Variants in AXDND1 observed in about 807,000 individuals in gnomAD.
AXDND1 encodes axonemal dynein light chain domain-containing protein 1.
In AXDND1, 110 loss-of-function variants were observed where a neutral mutation model predicts 137.5. That is an observed-to-expected ratio of 0.80 (90% CI 0.69 to 0.94). The LOEUF is 0.94. Ranked by LOEUF, AXDND1 falls within the 40% of genes least tolerant of loss-of-function variation. The pLI is 0.00. For synonymous variants in AXDND1, 414 were observed against 399.7 expected (o/e 1.04, Z -0.43); for missense variants, 1,191 against 1,169.8 (o/e 1.02, Z -0.26).
At chr1:179,535,701 T>C (rs951404973) in intron 25 of AXDND1, among the ~76,000 whole-genome samples, 27 of 152,212 alleles carry the variant, frequency 1.8e-4, no homozygotes, top group African/African-American at 5.8e-4. Flanking sequence ...CATGTGTCTT[T>C]ATAGTAGCAT....
At chr1:179,499,426 A>C (rs899796817) in intron 20 of AXDND1, among the ~76,000 whole-genome samples, 1 of 152,138 alleles carries the variant, frequency 6.6e-6, no homozygotes, top group Non-Finnish European at 1.5e-5. Flanking sequence ...AATGCCCAGA[A>C]TAGGCAAATC....
chr1:179,518,183 C>G (rs1669719380), intron 21 of AXDND1, among the ~76,000 whole-genome samples: 1 of 152,134 alleles, frequency 6.6e-6, no homozygotes, highest in Non-Finnish European at 1.5e-5. Context: ...TTTCTGCGAA[C>G]TGGTCCTAGT....
chr1:179,418,405 G>A lies in AXDND1; in HGVS notation c.1230+7139G>A, dbSNP rs1025821646. Among the ~76,000 whole-genome samples, 6 of 152,308 alleles carry A rather than the reference G, an allele frequency of 3.9e-5. No homozygotes were observed. The East Asian group carries it at 5.8e-4, about 15-fold the overall frequency. On this transcript the variant is annotated intron_variant, in intron 12 of 25. Transcript: ENST00000367618. ...TGTCTACTTCTTTCTACACAGACAC[G>A]GCAACCATCCGATTTCTCAATCTTT...
At position 179,491,538 on chromosome 1, in the gene AXDND1, A is replaced by T. The variant is rs1443866068; in HGVS notation, c.2092A>T (p.Met698Leu). 5.7e-6 allele frequency: 9 copies of T among 1,586,416 alleles called. No individual in the cohort carries two copies. Among genetic ancestry groups the T allele is most frequent in the Non-Finnish European group, 6.9e-6 (8 of 1,159,516 alleles). ...TTGTATTATACTCATTTTTTAACAG[A>T]TGGATGAGTTACATATATCTATGAT... ...NNGNIELQHH[M>L]DELHISMIQW... is the part of the protein sequence containing the mutation. The change falls in exon 19 of 26, where the codon ATG (methionine) becomes TTG (leucine). Residue 698 changes from methionine to leucine, a missense_variant and splice_region_variant. Met to Leu is a conservative substitution (Grantham distance 15). Transcript: ENST00000367618.
chr1:179,366,757 C>T, intron 2 of AXDND1, 151 bp downstream of exon 2: 1 of 640,322 alleles, frequency 1.6e-6, no homozygotes, highest in South Asian at 1.9e-5. Flanking sequence ...AGAAGTCATT[C>T]CTTTTACAGT....
intron 4 of AXDND1, among the ~76,000 whole-genome samples, chr1:179,378,313 G>A (rs1229854310): frequency 6.6e-6 from 1 of 152,194 alleles, no homozygotes; most frequent in African/African-American, 2.4e-5. Flanking sequence ...GATGGAATGA[G>A]ACTCCTGAGG....
At chr1:179,389,511 A>T (rs187795353) in intron 9 of AXDND1, among the ~76,000 whole-genome samples, 63 of 152,272 alleles carry the variant, frequency 4.1e-4, no homozygotes, top group African/African-American at 1.5e-3. Context: ...TCTGGGATTC[A>T]TGCAGTAGTC....
At chr1:179,367,371 G>C (rs747338068) in intron 2 of AXDND1, among the ~76,000 whole-genome samples, 1 of 151,814 alleles carries the variant, frequency 6.6e-6, no homozygotes, top group Non-Finnish European at 1.5e-5. Flanking sequence ...AAAATTAGGG[G>C]GGGCGTGGTG....
Position 179,455,279 on chromosome 1 carries a change from AAAAAAAAAAAAAAAGT to A in AXDND1, c.1798+10089_1798+10104del, listed in dbSNP as rs761084996. The A allele has an allele frequency of 1.6e-3, 188 of 115,022 alleles. 3 individuals carry two copies. Among genetic ancestry groups the A allele is most frequent in the East Asian group, 0.013 (54 of 4,038 alleles). The allele number at this position is 115,022 out of a possible 1,614,324, so 7.1% of individuals were successfully genotyped here. A position where few individuals can be genotyped will look rare whatever the true frequency, so the allele number is the denominator to read the frequency against. On this transcript the variant is annotated intron_variant, in intron 16 of 25. Coordinates refer to ENST00000367618, the MANE Select transcript of AXDND1 (RefSeq NM_144696.6). ...GAGAGAGTGAGACTCTGTTTCAAAA[AAAAAAAAAAAAAAAGT>A]AAAAAAAAAAAAAGAGGCTGGGTGC...
At chr1:179,398,412 T>G (rs950736205) in intron 11 of AXDND1, among the ~76,000 whole-genome samples, 1 of 152,006 alleles carries the variant, frequency 6.6e-6, no homozygotes, top group Non-Finnish European at 1.5e-5. Context: ...CTCTGTTGGG[T>G]GGTGTCAGCC....
chr1:179,454,407 C>A (rs1343327056), intron 16 of AXDND1: 1 of 152,630 alleles, frequency 6.6e-6, no homozygotes, highest in African/African-American at 2.4e-5. Flanking sequence ...AAACCTCTTT[C>A]TTCTGTGAAT....
intron 17 of AXDND1, among the ~76,000 whole-genome samples, chr1:179,482,656 G>A (rs936585586): frequency 6.6e-5 from 10 of 151,806 alleles, no homozygotes; most frequent in African/African-American, 2.4e-4. Flanking sequence ...GATGTTTTTG[G>A]AACTTCTCCA....
chr1:179,518,254 A>G (rs1669727588), intron 21 of AXDND1, among the ~76,000 whole-genome samples: 1 of 152,110 alleles, frequency 6.6e-6, no homozygotes, highest in Non-Finnish European at 1.5e-5. Flanking sequence ...AATATTTCCA[A>G]CATTTAAAAA....
chr1:179,429,451 C>A, intron 12 of AXDND1, 67 bp from the exon 13 acceptor site: 1 of 766,514 alleles, frequency 1.3e-6, no homozygotes, highest in African/African-American at 1.8e-5. Context: ...TATATGAAAT[C>A]ACTGTAATAA....
intron 16 of AXDND1, chr1:179,447,821 A>G (rs10913766): frequency 0.31 from 393,521 of 1,289,746 alleles, 62,630 homozygotes; most frequent in Non-Finnish European, 0.32. Flanking sequence ...GGCACTGTGA[A>G]GTCTGTAGTG....
At chr1:179,511,979 TAA>T (rs1226887178) in intron 21 of AXDND1, among the ~76,000 whole-genome samples, 2 of 152,202 alleles carry the variant, frequency 1.3e-5, no homozygotes, top group African/African-American at 4.8e-5. Context: ...TTGTCAGATG[TAA>T]AGATTGTGAA....
At chr1:179,425,007 A>G (rs1420108626) in intron 12 of AXDND1, among the ~76,000 whole-genome samples, 1 of 152,190 alleles carries the variant, frequency 6.6e-6, no homozygotes, top group Non-Finnish European at 1.5e-5. Flanking sequence ...ATTCTTCATC[A>G]GAGAGCTCAC....
chr1:179,370,647 C>T (rs917594064), intron 4 of AXDND1, among the ~76,000 whole-genome samples: 4 of 152,216 alleles, frequency 2.6e-5, no homozygotes, highest in Non-Finnish European at 5.9e-5. Context: ...TCAACATTTT[C>T]CCTGTGAAGA....
chr1:179,520,690 A>C (rs1669968277), intron 21 of AXDND1, among the ~76,000 whole-genome samples: 1 of 151,774 alleles, frequency 6.6e-6, no homozygotes, highest in African/African-American at 2.4e-5. Flanking sequence ...GCTGAATTGT[A>C]TTATCCAAGA....
Sources: gnomAD v4.1 joint callset for allele counts (sites outside exome capture counted in the v4.1 genomes callset) on GRCh38, gnomAD v4.1.1 for gene constraint, MANE v1.5 for transcripts, NCBI Gene and HGNC (gene_info 2026-07-23, HGNC 2026-07-21) for gene names.